The following TAF3 variants were observed in gnomAD, a reference collection of about 807,000 sequenced individuals.
TAF3 encodes the protein TATA-box binding protein associated factor 3.
A neutral mutation model predicts 80.6 loss-of-function variants in TAF3; 7 were observed. The observed-to-expected ratio is 0.09, with a 90% CI of 0.05 to 0.16. The LOEUF is 0.16. Among genes scored for constraint, TAF3 ranks in the 10% least tolerant of loss-of-function variants. The pLI, the probability that TAF3 is intolerant of heterozygous loss-of-function variation, is 1.00. For missense variants in TAF3, 921 were observed against 1,140.2 expected (o/e 0.81, Z 2.77); for synonymous variants, 444 against 446.1 (o/e 1.00, Z 0.06).
At chr10:7,906,926 C>G (rs1837613242) in intron 2 of TAF3, among the ~76,000 whole-genome samples, 1 of 151,722 alleles carries the variant, frequency 6.6e-6, no homozygotes, top group Non-Finnish European at 1.5e-5. Context: ...TCTTGACATT[C>G]CTAACCTAAC....
In TAF3 at chr10:8,016,358, A is replaced by G. The variant is rs1832104489; in HGVS notation, c.*1607A>G. On this transcript the variant is annotated 3_prime_UTR_variant, in exon 7 of 7. Transcript: ENST00000344293. Reference sequence around the variant, plus strand: ...GGTTAGAGAAATGCGGTTTTCTGCCATGAATGTTAAGTTGCAAATCAGTGG... The same window carrying G: ...GGTTAGAGAAATGCGGTTTTCTGCCGTGAATGTTAAGTTGCAAATCAGTGG... 6.6e-6 allele frequency: 1 copy of G among 152,220 alleles called. No individual in the cohort carries two copies. Among genetic ancestry groups the G allele is most frequent in the Non-Finnish European group, 1.5e-5 (1 of 68,044 alleles). The allele number at this position is 152,220 out of a possible 1,614,324, so 9.4% of individuals were successfully genotyped here.
At chr10:7,935,787 G>C (rs929655090) in intron 2 of TAF3, among the ~76,000 whole-genome samples, 4 of 152,140 alleles carry the variant, frequency 2.6e-5, no homozygotes, top group African/African-American at 9.7e-5. Flanking sequence ...AGGCCTTGAG[G>C]CTGAAGACTT....
At chr10:7,843,750 A>G (rs1305706285) in intron 2 of TAF3, among the ~76,000 whole-genome samples, 2 of 151,036 alleles carry the variant, frequency 1.3e-5, no homozygotes, top group African/African-American at 4.9e-5. Flanking sequence ...GCATTAATTG[A>G]TTATTTCTCC....
intron 2 of TAF3, among the ~76,000 whole-genome samples, chr10:7,840,296 GCGCCCGCCA>G (rs1836898409): frequency 6.6e-6 from 1 of 151,778 alleles, no homozygotes; most frequent in Non-Finnish European, 1.5e-5. Flanking sequence ...CTGACTACAG[GCGCCCGCCA>G]CCACGCCTGG....
chr10:7,940,660 G>C (rs960929552), intron 2 of TAF3, among the ~76,000 whole-genome samples: 6 of 152,114 alleles, frequency 3.9e-5, no homozygotes, highest in Non-Finnish European at 8.8e-5. Flanking sequence ...TTCCAGTTAA[G>C]AAATAACATA....
chr10:7,978,298 G>A (rs915651174), intron 4 of TAF3, among the ~76,000 whole-genome samples: 1 of 152,130 alleles, frequency 6.6e-6, no homozygotes, highest in African/African-American at 2.4e-5. Context: ...ATTCTCAGTG[G>A]TTCATTTCAT....
chr10:7,937,506 C>T (rs185580121), intron 2 of TAF3, among the ~76,000 whole-genome samples: 41 of 152,264 alleles, frequency 2.7e-4, no homozygotes, highest in Non-Finnish European at 4.6e-4. Flanking sequence ...AGTGTCTGTT[C>T]AGGTCTTTTG....
At chr10:7,922,026 G>A (rs1588553152) in intron 2 of TAF3, among the ~76,000 whole-genome samples, 1 of 152,078 alleles carries the variant, frequency 6.6e-6, no homozygotes, top group South Asian at 2.1e-4. Flanking sequence ...ACTTGAATTG[G>A]AATAGATTAT....
intron 2 of TAF3, among the ~76,000 whole-genome samples, chr10:7,840,976 A>C (rs1363984142): frequency 6.6e-6 from 1 of 151,776 alleles, no homozygotes; most frequent in Non-Finnish European, 1.5e-5. Flanking sequence ...CAGCCTCCCA[A>C]GTAGCTGGGA....
chr10:7,980,781 C>T (rs1360837654), intron 4 of TAF3, among the ~76,000 whole-genome samples: 1 of 152,090 alleles, frequency 6.6e-6, no homozygotes, highest in Non-Finnish European at 1.5e-5. Context: ...TGAGGTCCCA[C>T]TTGGACTTGG....
intron 2 of TAF3, among the ~76,000 whole-genome samples, chr10:7,861,669 A>T (rs1436087070): frequency 6.6e-6 from 1 of 152,054 alleles, no homozygotes; most frequent in Middle Eastern, 3.4e-3. Flanking sequence ...GTCAGACGTC[A>T]TTTGTCTTAC....
chr10:7,861,131 T>G (rs1456632666), intron 2 of TAF3, among the ~76,000 whole-genome samples: 1 of 152,124 alleles, frequency 6.6e-6, no homozygotes, highest in Non-Finnish European at 1.5e-5. Context: ...CCGGCTAATT[T>G]TTTTTTGTAT....
At chr10:7,954,714 G>A (rs1838118385) in intron 2 of TAF3, among the ~76,000 whole-genome samples, 1 of 140,096 alleles carries the variant, frequency 7.1e-6, no homozygotes, top group African/African-American at 2.6e-5. Flanking sequence ...GTGAGATTCA[G>A]AGTGCACTCC....
chr10:7,990,394 T>C (rs1831822544), intron 4 of TAF3, among the ~76,000 whole-genome samples: 1 of 152,208 alleles, frequency 6.6e-6, no homozygotes, highest in Non-Finnish European at 1.5e-5. Flanking sequence ...TGTCATTTTG[T>C]TTATTTAGCT....
chr10:7,916,148 G>T (rs1837709922), intron 2 of TAF3, among the ~76,000 whole-genome samples: 1 of 152,224 alleles, frequency 6.6e-6, no homozygotes, highest in African/African-American at 2.4e-5. Flanking sequence ...GGAGTGACTT[G>T]TTCAGGTTCT....
intron 1 of TAF3, among the ~76,000 whole-genome samples, chr10:7,823,791 C>A (rs375908453): frequency 6.6e-6 from 1 of 152,098 alleles, no homozygotes; most frequent in Non-Finnish European, 1.5e-5. Flanking sequence ...TGCGCCACCA[C>A]GCCCGGCTAA....
chr10:7,898,375 C>T (rs11255430), intron 2 of TAF3, among the ~76,000 whole-genome samples: 53,194 of 151,558 alleles, frequency 0.35, 10,484 homozygotes, highest in Admixed American at 0.48. Context: ...GGTGAAACCC[C>T]GTCTCTACAA....
intron 3 of TAF3, among the ~76,000 whole-genome samples, chr10:7,971,509 A>T (rs1349490606): frequency 6.6e-6 from 1 of 151,728 alleles, no homozygotes; most frequent in East Asian, 1.9e-4. Context: ...AAAATAAAAA[A>T]CCTTGGACAG....
intron 2 of TAF3, among the ~76,000 whole-genome samples, chr10:7,873,619 C>CA (rs764304710): frequency 1.5e-5 from 1 of 64,780 alleles, no homozygotes; most frequent in African/African-American, 5.3e-5. Flanking sequence ...CCGAGTTCTC[C>CA]CCCCCCCCCC....
Sources: gnomAD v4.1 joint callset for allele counts (sites outside exome capture counted in the v4.1 genomes callset) on GRCh38, gnomAD v4.1.1 for gene constraint, MANE v1.5 for transcripts, NCBI Gene and HGNC (gene_info 2026-07-23, HGNC 2026-07-21) for gene names.